DLGAP1: variants seen among roughly 807,000 people sequenced by gnomAD.
DLGAP1 encodes DLG associated protein 1.
In DLGAP1, 11 loss-of-function variants were observed where a neutral mutation model predicts 90.8. The ratio of observed to expected loss-of-function variants is 0.12; its 90% CI spans 0.08 to 0.20. The LOEUF is 0.20. DLGAP1 is among the 10% of genes least tolerant of loss of function. The pLI, the probability that DLGAP1 is intolerant of heterozygous loss-of-function variation, is 1.00. For missense variants in DLGAP1, 1,050 were observed against 1,333.8 expected, an observed-to-expected ratio of 0.79 and a Z score of 3.31; for synonymous variants, 558 against 540.7, an observed-to-expected ratio of 1.03 and a Z score of -0.44.
chr18:3,925,527 A>C (rs938381929), intron 3 of DLGAP1, among the ~76,000 whole-genome samples: 8 of 152,062 alleles, frequency 5.3e-5, no homozygotes, highest in Non-Finnish European at 1.2e-4. Context: ...TCATAACCTC[A>C]TATTTTCAGG....
Position 3,580,141 on chromosome 18 carries a change from T to C in DLGAP1, c.1965+1734A>G, listed in dbSNP as rs2145354682. The C allele has an allele frequency of 2.6e-6, 3 of 1,157,662 alleles. No individual in the cohort carries two copies. In the East Asian group the frequency reaches 7.0e-5, roughly 27 times the overall value. The allele number at this position is 1,157,662 out of a possible 1,614,324, so 71.7% of individuals were successfully genotyped here. On this transcript the variant is annotated intron_variant, in intron 8 of 12. Transcript: ENST00000315677. ...TTTAGAGAACAAAAATAATAGCTGC[T>C]AATAATGTCTACAAAGAAAATACTT...
chr18:4,009,226 A>T lies in DLGAP1; in HGVS notation c.-158-4025T>A, dbSNP rs138190591. On this transcript the variant is annotated intron_variant, in intron 2 of 12. Coordinates refer to ENST00000315677, the MANE Select transcript of DLGAP1 (RefSeq NM_004746.4). ...CCGCCACCGAGTCTCTTTAGACTCC[A>T]CTTGCGCTCCATGCTCCTCTTGACT... 2.3e-3 allele frequency among the ~76,000 whole-genome samples: 356 copies of T among 152,260 alleles called. 1 individual carries two copies. Among genetic ancestry groups the T allele is most frequent in the African/African-American group, 7.9e-3 (330 of 41,562 alleles).
intron 3 of DLGAP1, among the ~76,000 whole-genome samples, chr18:3,996,191 T>A (rs1445848167): frequency 2.6e-5 from 4 of 152,156 alleles, no homozygotes; most frequent in Non-Finnish European, 5.9e-5. Context: ...TATGTTTTAA[T>A]TGAAAAATAT....
Position 3,502,512 on chromosome 18 carries a change from A to C in DLGAP1, c.2705T>G (p.Met902Arg), listed in dbSNP as rs748408367. 2 of 1,614,140 alleles carry C rather than the reference A, an allele frequency of 1.2e-6. No homozygotes were observed. The highest frequency in any genetic ancestry group is 3.3e-5 in the Admixed American group (2 of 60,012). The part of the protein sequence containing the change: ...HQLKANNWKQ[M>R]DPLDKKERRA... ...TTCTACCTTCTTGTCAAGAGGATCC[A>C]TCTGTTTCCAATTATTGGCCTTTAA... is the stretch of plus-strand genomic sequence containing the variant. Residue 902 changes from methionine to arginine, a missense_variant, in exon 12 of 13, where the codon ATG becomes AGG. By Grantham distance (91) the Met-to-Arg change is moderately conservative (BLOSUM62 -1). Transcript: ENST00000315677.
intron 7 of DLGAP1, among the ~76,000 whole-genome samples, chr18:3,651,676 C>T (rs976797000): frequency 1.7e-4 from 26 of 150,586 alleles, no homozygotes; most frequent in African/African-American, 5.8e-4. Context: ...CGCCTGTAAT[C>T]CCAGCACTTT....
intron 2 of DLGAP1, among the ~76,000 whole-genome samples, chr18:4,146,104 T>C (rs1278994708): frequency 6.6e-6 from 1 of 152,216 alleles, no homozygotes; most frequent in Non-Finnish European, 1.5e-5. Context: ...TAGAATTATA[T>C]TGGAAAAGAA....
intron 9 of DLGAP1, among the ~76,000 whole-genome samples, chr18:3,551,781 T>G (rs2053490737): frequency 1.6e-5 from 2 of 125,006 alleles, no homozygotes; most frequent in South Asian, 6.3e-4. Flanking sequence ...CTTTCCTTCC[T>G]TTTTTTCTTT....
intron 1 of DLGAP1, among the ~76,000 whole-genome samples, chr18:4,239,775 C>T (rs188227844): frequency 1.3e-5 from 2 of 152,104 alleles, no homozygotes; most frequent in Non-Finnish European, 2.9e-5. Flanking sequence ...GAAACAGAAT[C>T]TAAAATAATA....
chr18:3,629,627 G>A (rs1162805065), intron 7 of DLGAP1, among the ~76,000 whole-genome samples: 1 of 152,104 alleles, frequency 6.6e-6, no homozygotes, highest in African/African-American at 2.4e-5. Context: ...AGCCGAGATC[G>A]CGCCACCGCA....
At chr18:4,152,873 G>A (rs949803605) in intron 1 of DLGAP1, among the ~76,000 whole-genome samples, 4 of 152,244 alleles carry the variant, frequency 2.6e-5, no homozygotes, top group Non-Finnish European at 5.9e-5. Flanking sequence ...AGCTCTGAGT[G>A]GACTTTCTTC....
intron 1 of DLGAP1, among the ~76,000 whole-genome samples, chr18:4,279,500 G>C (rs2079499557): frequency 6.6e-6 from 1 of 152,090 alleles, no homozygotes; most frequent in East Asian, 1.9e-4. Context: ...ATAAACCGTT[G>C]ACTGAATCTT....
chr18:4,429,214 G>T (rs970866466), intron 1 of DLGAP1, among the ~76,000 whole-genome samples: 7 of 152,082 alleles, frequency 4.6e-5, no homozygotes, highest in African/African-American at 1.7e-4. Context: ...AGAACAGCAG[G>T]ATATAATGAA....
At chr18:4,428,335 CT>C (rs1254132839) in intron 1 of DLGAP1, among the ~76,000 whole-genome samples, 13 of 152,142 alleles carry the variant, frequency 8.5e-5, no homozygotes, top group African/African-American at 2.9e-4. Context: ...AATCCCAGCA[CT>C]TTGGGAGGCC....
At chr18:3,781,964 CTTG>C (rs1396031102) in intron 5 of DLGAP1, among the ~76,000 whole-genome samples, 1 of 151,938 alleles carries the variant, frequency 6.6e-6, no homozygotes, top group Admixed American at 6.6e-5. Flanking sequence ...TACAGCTATC[CTTG>C]TTGTTGTTAT....
chr18:3,942,877 C>T (rs987570148), intron 3 of DLGAP1, among the ~76,000 whole-genome samples: 10 of 151,934 alleles, frequency 6.6e-5, no homozygotes, highest in African/African-American at 1.2e-4. Flanking sequence ...GGTTTGGGTA[C>T]GGGAGTAACG....
intron 9 of DLGAP1, among the ~76,000 whole-genome samples, chr18:3,546,273 G>A (rs1456799510): frequency 6.6e-6 from 1 of 151,990 alleles, no homozygotes; most frequent in Non-Finnish European, 1.5e-5. Flanking sequence ...AATTAGTCGA[G>A]CATGGTGGCA....
intron 1 of DLGAP1, among the ~76,000 whole-genome samples, chr18:4,381,817 G>T (rs1450230371): frequency 6.6e-6 from 1 of 152,122 alleles, no homozygotes; most frequent in Non-Finnish European, 1.5e-5. Flanking sequence ...TCATGCTGCT[G>T]ATAAAGACAT....
At chr18:3,852,379 C>T (rs1282115158) in intron 4 of DLGAP1, among the ~76,000 whole-genome samples, 2 of 152,130 alleles carry the variant, frequency 1.3e-5, no homozygotes, top group Admixed American at 1.3e-4. Flanking sequence ...GGAGCAGGAT[C>T]CATAAGATAC....
intron 2 of DLGAP1, among the ~76,000 whole-genome samples, chr18:4,145,808 T>G (rs988475172): frequency 6.6e-6 from 1 of 152,208 alleles, no homozygotes; most frequent in Non-Finnish European, 1.5e-5. Flanking sequence ...AACTTTTGCC[T>G]TGAAGAATCT....
Sources: allele counts gnomAD v4.1 joint callset (sites outside exome capture counted in the v4.1 genomes callset), GRCh38; gene constraint gnomAD v4.1.1; transcripts MANE v1.5; gene names NCBI Gene and HGNC (gene_info 2026-07-23, HGNC 2026-07-21).